The following MICAL2 variants were observed in gnomAD, a reference collection of about 807,000 sequenced individuals.
MICAL2 encodes microtubule associated monooxygenase, calponin and LIM domain containing 2, also known as [F-actin]-monooxygenase MICAL2.
A neutral mutation model predicts 127.3 loss-of-function variants in MICAL2; 77 were observed. That is an observed-to-expected ratio of 0.60 (90% confidence interval 0.50 to 0.73). The LOEUF (loss-of-function observed/expected upper bound fraction) is 0.73. Ranked by LOEUF, MICAL2 falls within the 30% of genes least tolerant of loss-of-function variation. MICAL2 has a pLI of 0.00. For synonymous variants in MICAL2, 570 were observed against 551.1 expected (o/e 1.03, Z -0.48); for missense variants, 1,351 against 1,434.4 (o/e 0.94, Z 0.94).
chr11:12,124,103 C>A (rs1850721142), intron 1 of MICAL2, among the ~76,000 whole-genome samples: 1 of 152,158 alleles, frequency 6.6e-6, no homozygotes, highest in East Asian at 1.9e-4. Context: ...AATTTAAAGG[C>A]AGAGCCTCCT....
At chr11:12,220,731 C>A (rs944177245) in intron 9 of MICAL2, among the ~76,000 whole-genome samples, 1 of 152,222 alleles carries the variant, frequency 6.6e-6, no homozygotes, top group Non-Finnish European at 1.5e-5. Flanking sequence ...CAGGCAGCCC[C>A]GGTCTGGGCC....
At chr11:12,144,925 A>G (rs1852737901) in intron 2 of MICAL2, among the ~76,000 whole-genome samples, 1 of 152,182 alleles carries the variant, frequency 6.6e-6, no homozygotes, top group African/African-American at 2.4e-5. Context: ...GTTCCTCTGT[A>G]TAGTAAAGGA....
chr11:12,201,081 G>A (rs1860660955), intron 3 of MICAL2, among the ~76,000 whole-genome samples: 1 of 152,016 alleles, frequency 6.6e-6, no homozygotes. Context: ...CCAAGCCAAG[G>A]AGCTGTTTGT....
chr11:12,306,693 A>G (rs4757361), intron 29 of MICAL2, among the ~76,000 whole-genome samples: 71,223 of 152,026 alleles, frequency 0.47, 18,392 homozygotes, highest in Non-Finnish European at 0.59. Flanking sequence ...CTAGAATGTC[A>G]TATAAATGGA....
intron 3 of MICAL2, among the ~76,000 whole-genome samples, chr11:12,163,067 C>T (rs2133811732): frequency 6.6e-6 from 1 of 152,322 alleles, no homozygotes. Context: ...TCTCCACCTG[C>T]CCACTCCCTT....
At chr11:12,113,140 T>G (rs1272885761) in intron 1 of MICAL2, among the ~76,000 whole-genome samples, 2 of 152,220 alleles carry the variant, frequency 1.3e-5, no homozygotes, top group African/African-American at 4.8e-5. Flanking sequence ...GAGAAGAGAA[T>G]ACTGTTCATC....
intron 3 of MICAL2, among the ~76,000 whole-genome samples, chr11:12,180,987 G>A (rs1857406438): frequency 7.4e-6 from 1 of 135,240 alleles, no homozygotes; most frequent in Non-Finnish European, 1.5e-5. Flanking sequence ...GAGTGAAATG[G>A]CGTGATCTCA....
At chr11:12,151,414 AG>A (rs1436466934) in intron 2 of MICAL2, among the ~76,000 whole-genome samples, 1 of 152,184 alleles carries the variant, frequency 6.6e-6, no homozygotes, top group Admixed American at 6.5e-5. Context: ...CACATTGGGA[AG>A]GAATGCCTTC....
At chr11:12,160,086 A>G (rs1333390030) in intron 2 of MICAL2, among the ~76,000 whole-genome samples, 4 of 152,158 alleles carry the variant, frequency 2.6e-5, no homozygotes, top group African/African-American at 9.7e-5. Flanking sequence ...CAAGCCAAGC[A>G]TAGTGCCAGG....
intron 1 of MICAL2, among the ~76,000 whole-genome samples, chr11:12,119,157 C>T (rs935373453): frequency 6.6e-6 from 1 of 152,156 alleles, no homozygotes; most frequent in African/African-American, 2.4e-5. Flanking sequence ...TGGGTTCCCC[C>T]CTCCTCCCCT....
intron 25 of MICAL2, 126 bp from the exon 26 acceptor site, chr11:12,259,669 G>C (rs1357578225): frequency 2.0e-5 from 17 of 838,740 alleles, no homozygotes; most frequent in East Asian, 2.9e-5. Flanking sequence ...GAGTCGGGGG[G>C]CTGAGATTAT....
intron 10 of MICAL2, 57 bp from the exon 11 acceptor site, chr11:12,222,560 G>A (rs1856947903): frequency 4.3e-6 from 7 of 1,610,794 alleles, no homozygotes; most frequent in Non-Finnish European, 5.9e-6. Flanking sequence ...GAAGGGTGGG[G>A]ACAAGGCCTG....
chr11:12,293,746 C>T (rs975430498), downstream of MICAL2: 2 of 1,613,974 alleles, frequency 1.2e-6, no homozygotes, highest in Non-Finnish European at 1.7e-6. Flanking sequence ...GCCTCTCAGA[C>T]CCTGCAGAGA....
chr11:12,208,205 C>A, intron 5 of MICAL2, 66 bp downstream of exon 5: 1 of 1,274,390 alleles, frequency 7.8e-7, no homozygotes, highest in Non-Finnish European at 1.1e-6. Context: ...CCACTTGCTG[C>A]TTCCAAAGGG....
intron 33 of MICAL2, among the ~76,000 whole-genome samples, chr11:12,350,163 T>G (rs1374232647): frequency 6.6e-6 from 1 of 152,234 alleles, no homozygotes; most frequent in Non-Finnish European, 1.5e-5. Flanking sequence ...AAAATAGGTT[T>G]TGGGTAATGG....
chr11:12,264,122 C>T (rs576142241), downstream of MICAL2, among the ~76,000 whole-genome samples: 33 of 152,168 alleles, frequency 2.2e-4, no homozygotes, highest in South Asian at 4.1e-4. Context: ...CCGTTTCCCC[C>T]GCACACCCAA....
intron 27 of MICAL2, chr11:12,263,036 T>C (rs1302028710): frequency 6.4e-6 from 1 of 156,870 alleles, no homozygotes; most frequent in African/African-American, 2.4e-5. Context: ...TTAAAAAACT[T>C]AATTACTCTC....
intron 3 of MICAL2, among the ~76,000 whole-genome samples, chr11:12,165,290 T>G (rs1855363672): frequency 6.6e-6 from 1 of 152,218 alleles, no homozygotes; most frequent in South Asian, 2.1e-4. Context: ...AATGGCCAGC[T>G]CCATGAGGCC....
chr11:12,260,790 A>G, intron 26 of MICAL2: 1 of 985,422 alleles, frequency 1.0e-6, no homozygotes, highest in Non-Finnish European at 1.2e-6. Context: ...TGGGAGGAGG[A>G]CTGTTTTGCT....
Sources: allele counts gnomAD v4.1 joint callset (sites outside exome capture counted in the v4.1 genomes callset), GRCh38; gene constraint gnomAD v4.1.1; transcripts MANE v1.5; gene names NCBI Gene and HGNC (gene_info 2026-07-23, HGNC 2026-07-21).